Variants in FKBP5 observed in about 807,000 individuals in gnomAD.
FKBP5 encodes the protein peptidyl-prolyl cis-trans isomerase FKBP5.
Under a neutral mutation model 50.5 loss-of-function variants are expected in FKBP5, and 23 were observed. The ratio of observed to expected loss-of-function variants is 0.46; its 90% CI spans 0.33 to 0.65. The LOEUF is 0.65. FKBP5 is among the 30% of genes least tolerant of loss of function. FKBP5 has a pLI of 0.02. For missense variants in FKBP5, 411 were observed against 553.1 expected, an observed-to-expected ratio of 0.74 and a Z score of 2.58; for synonymous variants, 176 against 190.6, an observed-to-expected ratio of 0.92 and a Z score of 0.63.
chr6:35,606,389 G>C (rs1299338285), intron 5 of FKBP5, among the ~76,000 whole-genome samples: 1 of 152,046 alleles, frequency 6.6e-6, no homozygotes, highest in Non-Finnish European at 1.5e-5. Context: ...CGGGCGCTGT[G>C]ACTCATGCCT....
intron 9 of FKBP5, among the ~76,000 whole-genome samples, chr6:35,579,171 CTCT>C (rs1762339047): frequency 6.6e-6 from 1 of 151,964 alleles, no homozygotes; most frequent in African/African-American, 2.4e-5. Context: ...CACACTCTCT[CTCT>C]CTCTCTCTCC....
At chr6:35,582,770 G>C in intron 8 of FKBP5, 3 of 985,148 alleles carry the variant, frequency 3.0e-6, no homozygotes, top group Non-Finnish European at 3.6e-6. Context: ...GTTTCAGGTC[G>C]GCATTTTCTT....
At chr6:35,715,297 C>T (rs1766492093) in intron 2 of FKBP5, among the ~76,000 whole-genome samples, 1 of 152,160 alleles carries the variant, frequency 6.6e-6, no homozygotes. Context: ...TTACTAGGCA[C>T]GTCAGCTTAG....
At chr6:35,604,437 A>G (rs1369247219) in intron 5 of FKBP5, among the ~76,000 whole-genome samples, 1 of 152,242 alleles carries the variant, frequency 6.6e-6, no homozygotes, top group Non-Finnish European at 1.5e-5. Flanking sequence ...ACCAAGTACC[A>G]TATTACATTA....
At chr6:35,603,185 A>G (rs1181237196) in intron 5 of FKBP5, among the ~76,000 whole-genome samples, 1 of 152,234 alleles carries the variant, frequency 6.6e-6, no homozygotes, top group Non-Finnish European at 1.5e-5. Flanking sequence ...CAGGGTGTCT[A>G]TCATGTGAAA....
At chr6:35,705,240 ATATATATATATATATATATTTTT>A (rs1766278256) in intron 2 of FKBP5, among the ~76,000 whole-genome samples, 1 of 35,182 alleles carries the variant, frequency 2.8e-5, no homozygotes, top group Non-Finnish European at 5.2e-5. Flanking sequence ...ATATATATAT[ATATATATATATATATATATTTTT>A]TTTTTTTTTT....
chr6:35,587,243 T>C, intron 7 of FKBP5, 126 bp from the exon 8 acceptor site: 1 of 824,050 alleles, frequency 1.2e-6, no homozygotes, highest in South Asian at 1.6e-5. Flanking sequence ...CTGTTGAAAT[T>C]GTGTGTCAGT....
At chr6:35,592,570 T>A (rs983096336) in intron 6 of FKBP5, among the ~76,000 whole-genome samples, 12 of 152,204 alleles carry the variant, frequency 7.9e-5, no homozygotes, top group African/African-American at 1.4e-4. Context: ...TAATAAATTT[T>A]AAAAAAATTC....
rs1351666613 is a variant in FKBP5 at position 35,622,512 on chromosome 6, TA to T, written c.251-2239del. Among the ~76,000 whole-genome samples, 761 of 139,868 alleles carry T rather than the reference TA, an allele frequency of 5.4e-3. 1 individual carries two copies. The highest frequency in any genetic ancestry group is 7.3e-3 in the Middle Eastern group (2 of 274). The allele number at this position is 139,868 out of a possible 152,430, so 91.8% of individuals were successfully genotyped here. On this transcript the variant is annotated intron_variant, in intron 3 of 10. Coordinates refer to ENST00000357266, the MANE Select transcript of FKBP5 (RefSeq NM_004117.4). ...GGTGACAGAGCGAGACCCTGTCTCTTAAAAAAAAAAAAAAATCAAGTAATAC... is the reference window on the plus strand; with the variant it reads ...GGTGACAGAGCGAGACCCTGTCTCTTAAAAAAAAAAAAAATCAAGTAATAC...
chr6:35,576,604 G>A (rs1003999), intron 10 of FKBP5, among the ~76,000 whole-genome samples: 5 of 151,454 alleles, frequency 3.3e-5, no homozygotes, highest in African/African-American at 9.7e-5. Context: ...GAGAAGTCAA[G>A]GCTGCAGTGA....
At chr6:35,651,582 T>C (rs1459961413) in intron 1 of FKBP5, among the ~76,000 whole-genome samples, 1 of 152,166 alleles carries the variant, frequency 6.6e-6, no homozygotes, top group East Asian at 1.9e-4. Context: ...ACTGTTGCAG[T>C]TATATACTAC....
At chr6:35,707,205 T>C (rs1364948344) in intron 2 of FKBP5, among the ~76,000 whole-genome samples, 1 of 143,244 alleles carries the variant, frequency 7.0e-6, no homozygotes, top group Non-Finnish European at 1.5e-5. Context: ...CACTGGTAAG[T>C]ATGAGAAGAC....
chr6:35,649,281 T>G (rs1473613348), intron 1 of FKBP5, among the ~76,000 whole-genome samples: 2 of 147,098 alleles, frequency 1.4e-5, no homozygotes, highest in South Asian at 4.3e-4. Flanking sequence ...AATTTAGTAA[T>G]AATGTTTTTT....
At chr6:35,678,521 G>A (rs1765583493) in intron 1 of FKBP5, among the ~76,000 whole-genome samples, 1 of 152,150 alleles carries the variant, frequency 6.6e-6, no homozygotes. Flanking sequence ...TTATTCTACA[G>A]ATACGGAGTA....
chr6:35,582,770 G>A (rs538337565), intron 8 of FKBP5: 595 of 985,148 alleles, frequency 6.0e-4, no homozygotes, highest in Middle Eastern at 2.1e-3. Flanking sequence ...GTTTCAGGTC[G>A]GCATTTTCTT....
chr6:35,679,669 G>T (rs1035215448), intron 1 of FKBP5, among the ~76,000 whole-genome samples: 11 of 152,162 alleles, frequency 7.2e-5, no homozygotes, highest in Non-Finnish European at 1.5e-4. Context: ...ACTAACTCAG[G>T]AATGGAAAAC....
intron 2 of FKBP5, among the ~76,000 whole-genome samples, chr6:35,638,303 G>A (rs140419645): frequency 6.6e-6 from 1 of 152,112 alleles, no homozygotes; most frequent in African/African-American, 2.4e-5. Flanking sequence ...TAAATAATTC[G>A]ATTATTTGCT....
At chr6:35,702,404 T>C (rs1766204964) in intron 2 of FKBP5, among the ~76,000 whole-genome samples, 1 of 151,336 alleles carries the variant, frequency 6.6e-6, no homozygotes, top group South Asian at 2.1e-4. Flanking sequence ...GATAGTCTTT[T>C]GACAAATGGT....
At chr6:35,683,118 ATATGTGTGTG>A (rs774188391) in intron 1 of FKBP5, among the ~76,000 whole-genome samples, 10,517 of 108,660 alleles carry the variant, frequency 0.097, 933 homozygotes, top group Non-Finnish European at 0.12. Context: ...ATATATACGT[ATATGTGTGTG>A]TGTGTGTGTG....
Sources: gnomAD v4.1 joint callset for allele counts (sites outside exome capture counted in the v4.1 genomes callset) on GRCh38, gnomAD v4.1.1 for gene constraint, MANE v1.5 for transcripts, NCBI Gene and HGNC (gene_info 2026-07-23, HGNC 2026-07-21) for gene names.